PALS2: variants seen among roughly 807,000 people sequenced by gnomAD.
PALS2 encodes protein associated with LIN7 2, MAGUK p55 family member, also known as protein PALS2.
Under a neutral mutation model 61.6 loss-of-function variants are expected in PALS2, and 27 were observed. The ratio of observed to expected loss-of-function variants is 0.44; its 90% CI spans 0.32 to 0.60. The LOEUF (loss-of-function observed/expected upper bound fraction) is 0.60, where lower values mean the gene tolerates loss of function less well. Among genes scored for constraint, PALS2 ranks in the 20% least tolerant of loss-of-function variants. PALS2 has a pLI of 0.05. For missense variants in PALS2, 554 were observed against 639.4 expected (o/e 0.87, Z 1.44); for synonymous variants, 236 against 218.6 (o/e 1.08, Z -0.70).
At chr7:24,578,511 C>G (rs1388404644) in intron 1 of PALS2, among the ~76,000 whole-genome samples, 4 of 152,186 alleles carry the variant, frequency 2.6e-5, no homozygotes, top group Non-Finnish European at 5.9e-5. Context: ...AATGCAAGGA[C>G]TGGGACTCCA....
At chr7:24,629,751 A>G (rs1292972137) in intron 2 of PALS2, among the ~76,000 whole-genome samples, 4 of 152,262 alleles carry the variant, frequency 2.6e-5, no homozygotes, top group Admixed American at 2.6e-4. Context: ...TGGTCATTAG[A>G]GAAATGCAAA....
At chr7:24,636,212 C>CAAAAA (rs553687246) in intron 2 of PALS2, among the ~76,000 whole-genome samples, 5 of 65,370 alleles carry the variant, frequency 7.6e-5, no homozygotes, top group African/African-American at 2.9e-4. Flanking sequence ...AACTCTATCT[C>CAAAAA]AAAAAAAAAA....
At chr7:24,650,778 A>T (rs1439967600) in intron 5 of PALS2, 66 bp downstream of exon 5, 4 of 1,090,978 alleles carry the variant, frequency 3.7e-6, no homozygotes. Flanking sequence ...TGTTGGAAAT[A>T]ACTATCAGTT....
At chr7:24,592,941 A>G (rs1562602789) in intron 1 of PALS2, among the ~76,000 whole-genome samples, 1 of 152,032 alleles carries the variant, frequency 6.6e-6, no homozygotes, top group Non-Finnish European at 1.5e-5. Context: ...TTAAAATAAG[A>G]CAGATATAAA....
chr7:24,616,040 A>G (rs576159675), intron 1 of PALS2, among the ~76,000 whole-genome samples: 8 of 152,270 alleles, frequency 5.3e-5, no homozygotes, highest in African/African-American at 1.9e-4. Context: ...TAGAGAAGAA[A>G]TGTACCTTAA....
In PALS2 at chr7:24,692,840, C is replaced by G. The variant is rs1457977689; in HGVS notation, c.*5226C>G. ...CCTGAAATCACTGCATACCTGAAATCACTGCAGCCCTACTGTTTTACCCAT... is the reference window on the plus strand; with the variant it reads ...CCTGAAATCACTGCATACCTGAAATGACTGCAGCCCTACTGTTTTACCCAT... On this transcript the variant is annotated 3_prime_UTR_variant, in exon 12 of 12. Transcript: ENST00000222644. 1.3e-5 allele frequency: 2 copies of G among 152,158 alleles called. No individual in the cohort carries two copies. Among genetic ancestry groups the G allele is most frequent in the Non-Finnish European group, 2.9e-5 (2 of 68,014 alleles). 9.4% of individuals were successfully genotyped at this position (152,158 alleles called of 1,614,324 possible).
At chr7:24,655,312 T>C (rs1365808146) in intron 5 of PALS2, among the ~76,000 whole-genome samples, 1 of 152,218 alleles carries the variant, frequency 6.6e-6, no homozygotes, top group Non-Finnish European at 1.5e-5. Context: ...GATACTATTT[T>C]TTTACGTTTA....
At chr7:24,577,442 T>C (rs761640553) in intron 1 of PALS2, among the ~76,000 whole-genome samples, 2 of 152,120 alleles carry the variant, frequency 1.3e-5, no homozygotes, top group African/African-American at 4.8e-5. Context: ...AAAGACAATA[T>C]AATGAATATT....
chr7:24,648,977 A>T (rs905477382), intron 3 of PALS2, among the ~76,000 whole-genome samples: 2 of 151,560 alleles, frequency 1.3e-5, no homozygotes, highest in South Asian at 2.1e-4. Context: ...CATACATAGT[A>T]AGTATAGGAG....
chr7:24,664,072 G>A (rs911646612), intron 6 of PALS2, among the ~76,000 whole-genome samples: 1 of 152,096 alleles, frequency 6.6e-6, no homozygotes, highest in Non-Finnish European at 1.5e-5. Context: ...TTTATTTTAA[G>A]TAGGAGACTT....
chr7:24,639,571 C>G (rs1445546553), intron 2 of PALS2, among the ~76,000 whole-genome samples: 1 of 151,874 alleles, frequency 6.6e-6, no homozygotes, highest in East Asian at 1.9e-4. Flanking sequence ...GTTAAAGATG[C>G]TAAATCAGGT....
intron 1 of PALS2, among the ~76,000 whole-genome samples, chr7:24,608,908 C>A (rs1562611847): frequency 6.6e-6 from 1 of 152,146 alleles, no homozygotes; most frequent in African/African-American, 2.4e-5. Context: ...GCAGCATGGC[C>A]AACCTTAGAT....
chr7:24,648,423 G>A (rs9654976), intron 3 of PALS2, among the ~76,000 whole-genome samples: 1 of 150,554 alleles, frequency 6.6e-6, no homozygotes, highest in African/African-American at 2.4e-5. Flanking sequence ...CTCCCGAGTA[G>A]CTGGGATTAC....
intron 1 of PALS2, among the ~76,000 whole-genome samples, chr7:24,577,761 A>G (rs1782692308): frequency 6.6e-6 from 1 of 152,138 alleles, no homozygotes; most frequent in Admixed American, 6.5e-5. Context: ...TCAGACAAGC[A>G]TTGCTACCTA....
intron 3 of PALS2, among the ~76,000 whole-genome samples, chr7:24,645,915 C>T (rs893141150): frequency 2.6e-5 from 4 of 151,946 alleles, no homozygotes; most frequent in Non-Finnish European, 5.9e-5. Flanking sequence ...TTGGCTCTTC[C>T]TTTGGCTGTT....
At chr7:24,605,523 A>G (rs1381261569) in intron 1 of PALS2, among the ~76,000 whole-genome samples, 1 of 152,240 alleles carries the variant, frequency 6.6e-6, no homozygotes, top group East Asian at 1.9e-4. Context: ...TTATATAAGT[A>G]TAGAAATGAA....
intron 1 of PALS2, among the ~76,000 whole-genome samples, chr7:24,607,456 A>G (rs529068478): frequency 6.6e-6 from 1 of 151,112 alleles, no homozygotes; most frequent in Admixed American, 6.6e-5. Context: ...TTGCTAATGT[A>G]TGTGTATCTC....
At chr7:24,669,208 T>C (rs556976978) in intron 9 of PALS2, among the ~76,000 whole-genome samples, 1 of 152,330 alleles carries the variant, frequency 6.6e-6, no homozygotes, top group South Asian at 2.1e-4. Flanking sequence ...AATAAAATAG[T>C]ACTGATGAGA....
rs79690735 is a variant in PALS2, at chr7:24,596,199, G to A, written c.-3+22606G>A. On this transcript the variant is annotated intron_variant, in intron 1 of 11. Coordinates refer to ENST00000222644, the MANE Select transcript of PALS2 (RefSeq NM_001303037.2). This position sits in a 1 kb window ranked among gnomAD's most constrained non-coding sequence, Gnocchi z 4.5. ...GAATATTGTTGAGAACGAGAGTGAA[G>A]GTAAGGGAACTGGTCAAGTGACTAC... Among the ~76,000 whole-genome samples the A allele has an allele frequency of 0.063, 9,573 of 152,136 alleles. 351 individuals carry two copies. The highest frequency in any genetic ancestry group is 0.093 in the African/African-American group (3,845 of 41,508).
Sources: allele counts gnomAD v4.1 joint callset (sites outside exome capture counted in the v4.1 genomes callset), GRCh38; gene constraint gnomAD v4.1.1; non-coding constraint Gnocchi (gnomAD v3.1); transcripts MANE v1.5; gene names NCBI Gene and HGNC (gene_info 2026-07-23, HGNC 2026-07-21).